Variants in DAB1 observed in about 807,000 individuals in gnomAD.
DAB1 encodes disabled homolog 1.
A neutral mutation model predicts 64.6 loss-of-function variants in DAB1; 15 were observed. The ratio of observed to expected loss-of-function variants is 0.23; its 90% CI spans 0.16 to 0.36. DAB1 has a LOEUF of 0.36. DAB1 is among the 10% of genes least tolerant of loss of function. The pLI, the probability that DAB1 is intolerant of heterozygous loss-of-function variation, is 1.00. For missense variants in DAB1, 596 were observed against 706.7 expected (o/e 0.84, Z 1.78); for synonymous variants, 235 against 251.9 (o/e 0.93, Z 0.64).
chr1:57,435,589 C>T (rs776482855), intron 7 of DAB1, among the ~76,000 whole-genome samples: 16 of 152,158 alleles, frequency 1.1e-4, no homozygotes, highest in Admixed American at 9.8e-4. Context: ...CACAAACACA[C>T]ATATGAGCCT....
At chr1:57,139,805 A>G (rs1658428986) in intron 3 of DAB1, among the ~76,000 whole-genome samples, 1 of 152,180 alleles carries the variant, frequency 6.6e-6, no homozygotes, top group African/African-American at 2.4e-5. Flanking sequence ...TCCCTGGTAG[A>G]ATATGGCTGT....
intron 3 of DAB1, 52 bp downstream of exon 3, chr1:57,145,238 T>A: frequency 6.4e-7 from 1 of 1,571,172 alleles, no homozygotes; most frequent in Non-Finnish European, 8.7e-7. Flanking sequence ...TCACTTCTTT[T>A]CCTCATTCAC....
intron 5 of DAB1, among the ~76,000 whole-genome samples, chr1:58,085,803 A>G (rs1402258275): frequency 6.6e-6 from 1 of 152,132 alleles, no homozygotes; most frequent in Non-Finnish European, 1.5e-5. Flanking sequence ...CACATTTCCA[A>G]TAAAGCATTT....
At chr1:58,422,707 T>G (rs1224091704) in intron 3 of DAB1, among the ~76,000 whole-genome samples, 1 of 151,488 alleles carries the variant, frequency 6.6e-6, no homozygotes, top group Non-Finnish European at 1.5e-5. Flanking sequence ...CTTGGCCACA[T>G]TGTACCTATC....
At chr1:58,131,413 A>G (rs200835079) in intron 5 of DAB1, among the ~76,000 whole-genome samples, 6,298 of 121,734 alleles carry the variant, frequency 0.052, 207 homozygotes, top group African/African-American at 0.12. Context: ...ATGTCCTCCC[A>G]TAGCTCAGAG....
At chr1:57,476,226 C>CAAA (rs57483030) in intron 7 of DAB1, among the ~76,000 whole-genome samples, 1 of 57,164 alleles carries the variant, frequency 1.7e-5, no homozygotes, top group Admixed American at 1.9e-4. Flanking sequence ...AACTCCACTT[C>CAAA]AAAAAAAAAA....
At chr1:57,213,200 G>A (rs1164959212) in intron 2 of DAB1, among the ~76,000 whole-genome samples, 1 of 151,314 alleles carries the variant, frequency 6.6e-6, no homozygotes, top group Non-Finnish European at 1.5e-5. Context: ...GGGGATGGGG[G>A]GTGGGATTCT....
At chr1:57,121,649 A>G (rs1310195578) in intron 4 of DAB1, among the ~76,000 whole-genome samples, 1 of 152,126 alleles carries the variant, frequency 6.6e-6, no homozygotes, top group Non-Finnish European at 1.5e-5. Flanking sequence ...TATGTCCTGA[A>G]TGGTATTGCC....
intron 7 of DAB1, among the ~76,000 whole-genome samples, chr1:57,564,665 C>A (rs368314053): frequency 2.4e-4 from 37 of 152,254 alleles, no homozygotes; most frequent in African/African-American, 8.7e-4. Context: ...ATCTGATCAA[C>A]TGGAAGAAAG....
At chr1:58,103,324 G>A (rs1176530712) in intron 5 of DAB1, among the ~76,000 whole-genome samples, 1 of 152,212 alleles carries the variant, frequency 6.6e-6, no homozygotes, top group East Asian at 1.9e-4. Context: ...TACACAGGGT[G>A]GAAAACTTTC....
intron 5 of DAB1, among the ~76,000 whole-genome samples, chr1:57,928,049 CATTT>C (rs1460594764): frequency 1.3e-5 from 2 of 152,130 alleles, no homozygotes; most frequent in Non-Finnish European, 2.9e-5. Context: ...TGGAGTTCAA[CATTT>C]GTTTCCAGTT....
At chr1:57,269,978 G>T (rs1670869651) in intron 2 of DAB1, among the ~76,000 whole-genome samples, 1 of 152,224 alleles carries the variant, frequency 6.6e-6, no homozygotes, top group South Asian at 2.1e-4. Context: ...AGAACAGCTT[G>T]CTAGGTGAAC....
At chr1:58,512,664 C>A (rs57318433) in intron 2 of DAB1, among the ~76,000 whole-genome samples, 2,502 of 152,196 alleles carry the variant, frequency 0.016, 54 homozygotes, top group East Asian at 0.12. Flanking sequence ...AAATACGAGA[C>A]GATTCCACTT....
chr1:57,962,310 T>A (rs886518223), intron 5 of DAB1, among the ~76,000 whole-genome samples: 2 of 152,158 alleles, frequency 1.3e-5, no homozygotes, highest in African/African-American at 2.4e-5. Context: ...ACATTAGTCA[T>A]CATTATTATT....
chr1:57,469,753 G>A (rs1687077697), intron 7 of DAB1, among the ~76,000 whole-genome samples: 1 of 152,088 alleles, frequency 6.6e-6, no homozygotes, highest in Non-Finnish European at 1.5e-5. Flanking sequence ...AGGAAGGCCA[G>A]AACTTTTCAA....
At position 57,026,047 on chromosome 1, in the gene DAB1, TA is replaced by T; in HGVS notation, c.724-5del. ...AAAGTTCTAATTGGGTCACAGCCTGTAAAGACAAAAAGGTAATCATGTGACT... is the reference window on the plus strand; with the variant it reads ...AAAGTTCTAATTGGGTCACAGCCTGTAAGACAAAAAGGTAATCATGTGACT... On this transcript the variant is annotated splice_polypyrimidine_tract_variant and splice_region_variant and intron_variant, in intron 9 of 14. Coordinates refer to ENST00000371236, the MANE Select transcript of DAB1 (RefSeq NM_001365792.1). 8 of 1,601,832 alleles carry T rather than the reference TA, an allele frequency of 5.0e-6. No individual in the cohort carries two copies. The highest frequency in any genetic ancestry group is 6.8e-6 in the Non-Finnish European group (8 of 1,174,870).
At chr1:57,382,966 C>G (rs1681504552) in intron 1 of DAB1, among the ~76,000 whole-genome samples, 1 of 152,116 alleles carries the variant, frequency 6.6e-6, no homozygotes, top group South Asian at 2.1e-4. Context: ...AACTAACAAT[C>G]TAAGGGCAGA....
At chr1:58,274,685 C>T (rs1569591898) in intron 4 of DAB1, among the ~76,000 whole-genome samples, 3 of 152,310 alleles carry the variant, frequency 2.0e-5, no homozygotes, top group African/African-American at 7.2e-5. Flanking sequence ...CCCTCAGAGC[C>T]AGGTGTGGGA....
At chr1:58,513,279 A>G (rs990384357) in intron 2 of DAB1, among the ~76,000 whole-genome samples, 1 of 152,038 alleles carries the variant, frequency 6.6e-6, no homozygotes, top group East Asian at 1.9e-4. Context: ...TTCCCCTTCC[A>G]CCATGATTAT....
Sources: gnomAD v4.1 joint callset for allele counts (sites outside exome capture counted in the v4.1 genomes callset) on GRCh38, gnomAD v4.1.1 for gene constraint, MANE v1.5 for transcripts, NCBI Gene and HGNC (gene_info 2026-07-23, HGNC 2026-07-21) for gene names.